Variants in COL23A1 observed in about 807,000 individuals in gnomAD.
COL23A1 encodes collagen alpha-1(XXIII) chain.
Under a neutral mutation model 99.3 loss-of-function variants are expected in COL23A1, and 97 were observed. That is an observed-to-expected ratio of 0.98 (90% confidence interval 0.83 to 1.16). The LOEUF is 1.16. Ranked by LOEUF, COL23A1 falls within the 50% of genes most tolerant of loss-of-function variation. The pLI, the probability that COL23A1 is intolerant of heterozygous loss-of-function variation, is 0.00. For synonymous variants in COL23A1, 320 were observed against 308.2 expected (o/e 1.04, Z -0.40); for missense variants, 762 against 757.4 (o/e 1.01, Z -0.07).
chr5:178,244,694 C>T (rs1170527310), intron 25 of COL23A1, among the ~76,000 whole-genome samples: 2 of 152,216 alleles, frequency 1.3e-5, no homozygotes, highest in East Asian at 3.8e-4. Flanking sequence ...CACAGTTGAG[C>T]CCTGGATCCA....
intron 2 of COL23A1, among the ~76,000 whole-genome samples, chr5:178,359,288 C>T (rs1762049303): frequency 6.6e-6 from 1 of 152,188 alleles, no homozygotes; most frequent in African/African-American, 2.4e-5. Context: ...CTTTGGGAGG[C>T]CGAGGCAGGT....
chr5:178,522,033 C>T (rs1338930582), intron 2 of COL23A1, among the ~76,000 whole-genome samples: 1 of 151,898 alleles, frequency 6.6e-6, no homozygotes, highest in African/African-American at 2.4e-5. Context: ...ACCACAACAA[C>T]AAAAAAATTT....
intron 2 of COL23A1, among the ~76,000 whole-genome samples, chr5:178,354,928 T>C (rs927277440): frequency 6.6e-6 from 1 of 151,924 alleles, no homozygotes; most frequent in Non-Finnish European, 1.5e-5. Context: ...CATGGTGGTG[T>C]GAGCCTGTGG....
intron 2 of COL23A1, chr5:178,344,706 G>C (rs1321182408): frequency 9.6e-6 from 3 of 312,458 alleles, no homozygotes; most frequent in African/African-American, 2.2e-5. Flanking sequence ...TAATATGTTT[G>C]ATCTACAGTT....
At chr5:178,356,135 C>A (rs1761636204) in intron 2 of COL23A1, among the ~76,000 whole-genome samples, 1 of 152,180 alleles carries the variant, frequency 6.6e-6, no homozygotes, top group South Asian at 2.1e-4. Context: ...CTTAGGGCCC[C>A]ACTCTAAGAA....
chr5:178,279,782 T>C (rs764401814), intron 5 of COL23A1, among the ~76,000 whole-genome samples: 1 of 152,162 alleles, frequency 6.6e-6, no homozygotes, highest in Non-Finnish European at 1.5e-5. Context: ...ACTCCCCACT[T>C]ATCAGCATCC....
intron 2 of COL23A1, among the ~76,000 whole-genome samples, chr5:178,506,168 G>A (rs1324590527): frequency 2.0e-5 from 3 of 152,350 alleles, no homozygotes; most frequent in East Asian, 1.9e-4. Flanking sequence ...GGCCGGCGCC[G>A]AATGATCATG....
intron 2 of COL23A1, among the ~76,000 whole-genome samples, chr5:178,486,217 G>T (rs992096605): frequency 9.2e-5 from 14 of 152,196 alleles, no homozygotes; most frequent in Admixed American, 1.3e-4. Context: ...GAAGATGTGG[G>T]AGTGTTCGAC....
chr5:178,429,622 C>T (rs957234397), intron 2 of COL23A1, among the ~76,000 whole-genome samples: 3 of 152,142 alleles, frequency 2.0e-5, no homozygotes, highest in East Asian at 3.9e-4. Flanking sequence ...CATTGAGTGC[C>T]GCTTCCTGGT....
At position 178,309,565 on chromosome 5, in the gene COL23A1, C is replaced by T. The variant is rs57050573; in HGVS notation, c.362-2646G>A. 2.0e-5 allele frequency among the ~76,000 whole-genome samples: 3 copies of T among 152,006 alleles called. No individual in the cohort carries two copies. Among genetic ancestry groups the T allele is most frequent in the Non-Finnish European group, 4.4e-5 (3 of 68,000 alleles). On this transcript the variant is annotated intron_variant, in intron 2 of 28. Coordinates refer to ENST00000390654, the MANE Select transcript of COL23A1 (RefSeq NM_173465.4). The surrounding 1 kb of genome is among the most constrained non-coding windows in gnomAD (Gnocchi z 4.7). Reference sequence around the variant, plus strand: ...CAAGCGGTCTACCCTTTATTCTGAGCTCTGTACCTAAATGTCCAACTCCAC... The same window carrying T: ...CAAGCGGTCTACCCTTTATTCTGAGTTCTGTACCTAAATGTCCAACTCCAC...
At chr5:178,404,592 C>T (rs1021280730) in intron 2 of COL23A1, among the ~76,000 whole-genome samples, 9 of 75,406 alleles carry the variant, frequency 1.2e-4, no homozygotes, top group East Asian at 6.3e-3. Context: ...CTCCATTGGT[C>T]CCTGGGACCT....
chr5:178,256,687 C>T (rs1223582220), intron 14 of COL23A1, among the ~76,000 whole-genome samples, 179 bp downstream of exon 14: 3 of 152,216 alleles, frequency 2.0e-5, no homozygotes, highest in Non-Finnish European at 4.4e-5. Context: ...TTGCCACTCA[C>T]CCAGATTCAC....
intron 2 of COL23A1, among the ~76,000 whole-genome samples, chr5:178,445,246 T>C (rs1376301565): frequency 6.6e-6 from 1 of 152,252 alleles, no homozygotes; most frequent in Admixed American, 6.5e-5. Flanking sequence ...AATATGTCAC[T>C]ATAATGATAC....
intron 2 of COL23A1, among the ~76,000 whole-genome samples, chr5:178,334,963 T>A (rs1760240581): frequency 6.6e-6 from 1 of 152,226 alleles, no homozygotes. Context: ...TGGATGGGGC[T>A]GATGAGCACG....
chr5:178,381,799 C>A (rs1763395616), intron 2 of COL23A1, among the ~76,000 whole-genome samples: 1 of 152,210 alleles, frequency 6.6e-6, no homozygotes, highest in South Asian at 2.1e-4. Flanking sequence ...CCACGCCCGG[C>A]TGATTTTTAA....
chr5:178,525,878 G>A (rs1760276088), intron 2 of COL23A1, among the ~76,000 whole-genome samples: 2 of 152,272 alleles, frequency 1.3e-5, no homozygotes, highest in African/African-American at 4.8e-5. Flanking sequence ...CAGAAGCACT[G>A]GAGAAGAGCC....
chr5:178,282,607 C>T (rs73342850), intron 5 of COL23A1, among the ~76,000 whole-genome samples: 3,249 of 152,302 alleles, frequency 0.021, 99 homozygotes, highest in African/African-American at 0.075. Flanking sequence ...CCGTGTGTCT[C>T]AGCTAAGTCC....
At chr5:178,521,275 C>G (rs139040784) in intron 2 of COL23A1, among the ~76,000 whole-genome samples, 1 of 152,166 alleles carries the variant, frequency 6.6e-6, no homozygotes, top group East Asian at 1.9e-4. Context: ...TAAAGCTGGC[C>G]GGGCGCGGTG....
At chr5:178,383,243 G>A (rs1384973887) in intron 2 of COL23A1, among the ~76,000 whole-genome samples, 1 of 152,178 alleles carries the variant, frequency 6.6e-6, no homozygotes, top group African/African-American at 2.4e-5. Context: ...ACTGCACTTT[G>A]AGAACCATGT....
Sources: allele counts gnomAD v4.1 joint callset (sites outside exome capture counted in the v4.1 genomes callset), GRCh38; gene constraint gnomAD v4.1.1; non-coding constraint Gnocchi (gnomAD v3.1); transcripts MANE v1.5; gene names NCBI Gene and HGNC (gene_info 2026-07-23, HGNC 2026-07-21).